KCNJ3: variants seen among roughly 807,000 people sequenced by gnomAD.
KCNJ3 encodes potassium inwardly rectifying channel subfamily J member 3, also known as G protein-activated inward rectifier potassium channel 1.
KCNJ3 carries 4 observed loss-of-function variants against 39.2 expected under a neutral mutation model. The ratio of observed to expected loss-of-function variants is 0.10; its 90% CI spans 0.05 to 0.23. KCNJ3 has a LOEUF of 0.23. KCNJ3 is among the 10% of genes least tolerant of loss of function. The pLI is 1.00. For missense variants in KCNJ3, 276 were observed against 634.9 expected (o/e 0.43, Z 6.08); for synonymous variants, 230 against 237.4 (o/e 0.97, Z 0.29).
intron 2 of KCNJ3, among the ~76,000 whole-genome samples, chr2:154,801,902 C>T (rs1170254220): frequency 1.3e-5 from 2 of 152,166 alleles, no homozygotes; most frequent in African/African-American, 2.4e-5. Flanking sequence ...GTTGGGATTA[C>T]AGGCGTGAGC....
chr2:154,739,952 G>A (rs1330875894), intron 2 of KCNJ3, among the ~76,000 whole-genome samples: 1 of 151,996 alleles, frequency 6.6e-6, no homozygotes, highest in African/African-American at 2.4e-5. Flanking sequence ...TTTCCTCTCT[G>A]TAAATAGAAA....
chr2:154,796,800 C>T (rs557339732), intron 2 of KCNJ3, among the ~76,000 whole-genome samples: 19 of 152,030 alleles, frequency 1.2e-4, no homozygotes, highest in Non-Finnish European at 2.5e-4. Flanking sequence ...TTAAGAGTCA[C>T]GGAATATGCT....
intron 2 of KCNJ3, among the ~76,000 whole-genome samples, chr2:154,739,869 G>T (rs1336357487): frequency 1.3e-5 from 2 of 151,924 alleles, no homozygotes; most frequent in Non-Finnish European, 2.9e-5. Flanking sequence ...TCACTATTTG[G>T]CAAATAACTC....
chr2:154,778,408 C>T (rs982960374), intron 2 of KCNJ3, among the ~76,000 whole-genome samples: 3 of 152,146 alleles, frequency 2.0e-5, no homozygotes, highest in African/African-American at 7.2e-5. Context: ...CCTTGAAACT[C>T]TTTCAAGAAT....
Position 154,702,115 on chromosome 2 carries a change from C to T in KCNJ3, c.702+2638C>T, listed in dbSNP as rs191823295. 6.3e-3 allele frequency among the ~76,000 whole-genome samples: 951 copies of T among 151,950 alleles called. 2 individuals are homozygous for T. Among genetic ancestry groups the T allele is most frequent in the Non-Finnish European group, 0.011 (728 of 67,814 alleles). ...AATAGAAGCTATACCAAAATCTTGG[C>T]ATAATAATATGTCCCTATCAGTTTT... On this transcript the variant is annotated intron_variant, in intron 1 of 2. Coordinates refer to ENST00000295101, the MANE Select transcript of KCNJ3 (RefSeq NM_002239.4).
At chr2:154,764,246 T>G (rs1179721730) in intron 2 of KCNJ3, among the ~76,000 whole-genome samples, 1 of 152,202 alleles carries the variant, frequency 6.6e-6, no homozygotes, top group African/African-American at 2.4e-5. Context: ...TATCTCTGAT[T>G]ATATTTTTAG....
intron 2 of KCNJ3, among the ~76,000 whole-genome samples, chr2:154,747,570 G>A (rs908594756): frequency 7.2e-5 from 11 of 151,930 alleles, no homozygotes; most frequent in Admixed American, 2.0e-4. Context: ...GTTTTTACAA[G>A]TCTGAGCTCT....
At chr2:154,849,533 G>T (rs1274797081) in intron 2 of KCNJ3, among the ~76,000 whole-genome samples, 1 of 151,980 alleles carries the variant, frequency 6.6e-6, no homozygotes, top group Non-Finnish European at 1.5e-5. Context: ...TATTGGGTAA[G>T]GTTTAGATAA....
chr2:154,708,263 A>C (rs1451984616), intron 1 of KCNJ3, among the ~76,000 whole-genome samples: 1 of 152,148 alleles, frequency 6.6e-6, no homozygotes, highest in East Asian at 1.9e-4. Flanking sequence ...AACTCTTTGC[A>C]ACAATTGCTG....
intron 2 of KCNJ3, among the ~76,000 whole-genome samples, chr2:154,797,582 A>G (rs1456562344): frequency 2.0e-5 from 3 of 152,078 alleles, no homozygotes; most frequent in African/African-American, 7.2e-5. Context: ...TAAAATAAAA[A>G]GATATATGTA....
intron 2 of KCNJ3, among the ~76,000 whole-genome samples, chr2:154,788,247 A>G (rs1686568527): frequency 6.6e-6 from 1 of 152,172 alleles, no homozygotes; most frequent in Non-Finnish European, 1.5e-5. Flanking sequence ...TAGCCAAAAT[A>G]TGCAGCTGGC....
chr2:154,808,379 C>T (rs1216398031), intron 2 of KCNJ3, among the ~76,000 whole-genome samples: 9 of 150,952 alleles, frequency 6.0e-5, no homozygotes, highest in East Asian at 2.0e-4. Flanking sequence ...CCACACTCGG[C>T]GGGATAAGGG....
intron 1 of KCNJ3, among the ~76,000 whole-genome samples, chr2:154,706,607 T>G (rs2105148982): frequency 6.6e-6 from 1 of 152,282 alleles, no homozygotes; most frequent in Admixed American, 6.5e-5. Flanking sequence ...CTCTCACTCC[T>G]TTTACACAAG....
In KCNJ3 at chr2:154,699,987, G is replaced by T. The variant is rs568578259; in HGVS notation, c.702+510G>T. Among the ~76,000 whole-genome samples the T allele has an allele frequency of 1.3e-5, 2 of 151,848 alleles. No homozygotes were observed. Among genetic ancestry groups the T allele is most frequent in the African/African-American group, 4.8e-5 (2 of 41,312 alleles). On this transcript the variant is annotated intron_variant, in intron 1 of 2. Coordinates refer to ENST00000295101, the MANE Select transcript of KCNJ3 (RefSeq NM_002239.4). This position sits in a 1 kb window ranked among gnomAD's most constrained non-coding sequence, Gnocchi z 6.4. ...TTTCCCCCTAATAATATTAGGAGGC[G>T]GATTACTCCTCTGGACCCAATGACT...
Position 154,854,839 on chromosome 2 carries a change from G to A in KCNJ3, c.1032G>A (p.Gln344=). 6.2e-7 allele frequency: 1 copy of A among 1,613,894 alleles called. No homozygotes were observed. Among genetic ancestry groups the A allele is most frequent in the South Asian group, 1.1e-5 (1 of 91,074 alleles). The change falls in exon 3 of 3, where the codon CAG becomes CAA. Residue 344 remains glutamine, a synonymous_variant. Coordinates refer to ENST00000295101, the MANE Select transcript of KCNJ3 (RefSeq NM_002239.4). ...GATTCTTTAAAGTTGATTACTCCCA[G>A]TTCCATGCAACATTTGAAGTCCCCA... ...EEGFFKVDYS[Q]FHATFEVPTP...
At chr2:154,738,354 G>A (rs1405821685) in intron 2 of KCNJ3, among the ~76,000 whole-genome samples, 1 of 152,002 alleles carries the variant, frequency 6.6e-6, no homozygotes. Flanking sequence ...TTGTTTGGTA[G>A]CACAATAGGA....
chr2:154,793,848 A>G (rs1378647933), intron 2 of KCNJ3, among the ~76,000 whole-genome samples: 4 of 152,058 alleles, frequency 2.6e-5, no homozygotes, highest in Admixed American at 6.6e-5. Flanking sequence ...GAGTTGTATC[A>G]GAGGGAATGG....
intron 2 of KCNJ3, among the ~76,000 whole-genome samples, chr2:154,775,573 G>A (rs1686319037): frequency 1.3e-5 from 2 of 152,004 alleles, no homozygotes; most frequent in South Asian, 4.2e-4. Context: ...AGCTTACAAA[G>A]CATTTTAAGA....
chr2:154,842,549 C>A (rs1047099475), intron 2 of KCNJ3, among the ~76,000 whole-genome samples: 2 of 152,146 alleles, frequency 1.3e-5, no homozygotes, highest in Non-Finnish European at 2.9e-5. Flanking sequence ...GTGTTAAAGT[C>A]TCCCATTATT....
Sources: gnomAD v4.1 joint callset for allele counts (sites outside exome capture counted in the v4.1 genomes callset) on GRCh38, gnomAD v4.1.1 for gene constraint, Gnocchi (gnomAD v3.1) non-coding constraint, MANE v1.5 for transcripts, NCBI Gene and HGNC (gene_info 2026-07-23, HGNC 2026-07-21) for gene names.